The following RARB variants were observed in gnomAD, a reference collection of about 807,000 sequenced individuals.
RARB encodes the protein HBV-activated protein.
Under a neutral mutation model 51.9 loss-of-function variants are expected in RARB, and 17 were observed. That is an observed-to-expected ratio of 0.33 (90% CI 0.22 to 0.49). The LOEUF is 0.49. Ranked by LOEUF, RARB falls within the 20% of genes least tolerant of loss-of-function variation. RARB has a pLI of 0.99. For synonymous variants in RARB, 215 were observed against 195.4 expected (o/e 1.10, Z -0.84); for missense variants, 369 against 550.8 (o/e 0.67, Z 3.30).
At chr3:25,323,321 T>A (rs1704624698) in intron 5 of RARB, among the ~76,000 whole-genome samples, 1 of 152,060 alleles carries the variant, frequency 6.6e-6, no homozygotes, top group East Asian at 1.9e-4. Context: ...CAAAAGGACA[T>A]GTGGGATAAG....
At chr3:25,515,270 A>G (rs1698101828) in intron 3 of RARB, among the ~76,000 whole-genome samples, 2 of 152,238 alleles carry the variant, frequency 1.3e-5, no homozygotes, top group South Asian at 4.1e-4. Flanking sequence ...AAAAGGACTG[A>G]CAATAGCAAA....
intron 2 of RARB, among the ~76,000 whole-genome samples, chr3:25,050,059 G>A (rs1314586378): frequency 6.6e-6 from 1 of 152,176 alleles, no homozygotes; most frequent in Non-Finnish European, 1.5e-5. Context: ...TTTAAAGGCT[G>A]AGTTTTCTAG....
intron 3 of RARB, among the ~76,000 whole-genome samples, chr3:25,088,468 G>T (rs763863338): frequency 3.3e-5 from 5 of 152,062 alleles, no homozygotes; most frequent in Non-Finnish European, 7.4e-5. Flanking sequence ...TGGGGTAGGG[G>T]GACTATAGCC....
chr3:24,959,210 C>CA (rs374005948), intron 2 of RARB, among the ~76,000 whole-genome samples: 114 of 152,294 alleles, frequency 7.5e-4, no homozygotes, highest in African/African-American at 2.7e-3. Context: ...GTCAGTGTGA[C>CA]AGCCTTTAGC....
At position 25,141,721 on chromosome 3, in the gene RARB, G is replaced by C. The variant is rs76665791; in HGVS notation, c.-280+9513G>C. Among the ~76,000 whole-genome samples the C allele has an allele frequency of 6.7e-3, 1,015 of 152,294 alleles. 8 individuals carry two copies. Among genetic ancestry groups the C allele is most frequent in the African/African-American group, 0.022 (925 of 41,560 alleles). ...CTTTAAAAATCATATTTTCTTAAAA[G>C]GAGTGCTTTCTACTTTTAGGAATCC... is the stretch of plus-strand genomic sequence containing the variant. On this transcript the variant is annotated intron_variant, in intron 4 of 11. Transcript: ENST00000383772.
chr3:24,851,427 CAA>C (rs1286953428), intron 1 of RARB, among the ~76,000 whole-genome samples: 51 of 72,342 alleles, frequency 7.0e-4, no homozygotes, highest in Admixed American at 7.3e-4. Context: ...GACTTTGTCT[CAA>C]AAAAAAAAAA....
intron 2 of RARB, among the ~76,000 whole-genome samples, chr3:24,968,864 A>G (rs1224425161): frequency 3.3e-5 from 5 of 152,162 alleles, no homozygotes; most frequent in Non-Finnish European, 5.9e-5. Flanking sequence ...TATGTAAATG[A>G]GAGGTCATTA....
At chr3:25,092,058 A>G (rs998651602) in intron 3 of RARB, among the ~76,000 whole-genome samples, 1 of 152,148 alleles carries the variant, frequency 6.6e-6, no homozygotes, top group African/African-American at 2.4e-5. Flanking sequence ...GCTCTGCCTC[A>G]CTATAGCTTA....
At chr3:25,512,309 G>T (rs1348945883) in intron 3 of RARB, among the ~76,000 whole-genome samples, 1 of 152,152 alleles carries the variant, frequency 6.6e-6, no homozygotes, top group Non-Finnish European at 1.5e-5. Flanking sequence ...CTCAAAACAA[G>T]AAGTACATGT....
chr3:25,144,136 C>T (rs1471404739), intron 4 of RARB, among the ~76,000 whole-genome samples: 1 of 152,132 alleles, frequency 6.6e-6, no homozygotes, highest in Non-Finnish European at 1.5e-5. Context: ...TGAGCAACTA[C>T]TTATATAAGG....
At chr3:25,185,258 A>T (rs186349404) in intron 5 of RARB, among the ~76,000 whole-genome samples, 4 of 152,284 alleles carry the variant, frequency 2.6e-5, no homozygotes, top group African/African-American at 7.2e-5. Flanking sequence ...TGTATTTATC[A>T]TGAAGAGTTC....
At chr3:25,186,880 T>C (rs1306242077) in intron 5 of RARB, among the ~76,000 whole-genome samples, 2 of 143,596 alleles carry the variant, frequency 1.4e-5, no homozygotes, top group African/African-American at 5.2e-5. Context: ...AAGAAAAAGG[T>C]AAGCCTGTGT....
At chr3:25,268,681 G>C (rs899439604) in intron 5 of RARB, among the ~76,000 whole-genome samples, 3 of 152,288 alleles carry the variant, frequency 2.0e-5, no homozygotes, top group African/African-American at 4.8e-5. Context: ...CTTAGTCTGA[G>C]ATCCACTTTT....
chr3:25,168,566 G>A (rs558586470), intron 4 of RARB, among the ~76,000 whole-genome samples: 11 of 151,958 alleles, frequency 7.2e-5, no homozygotes, highest in East Asian at 5.8e-4. Flanking sequence ...CAGAAAATAC[G>A]TGGCAGTCAT....
intron 5 of RARB, among the ~76,000 whole-genome samples, chr3:25,218,999 G>A (rs547668569): frequency 2.6e-5 from 4 of 152,208 alleles, no homozygotes; most frequent in Admixed American, 2.0e-4. Context: ...GCTGATACAG[G>A]CACTTGAAGC....
chr3:25,471,292 T>G (rs1695677278), intron 2 of RARB, among the ~76,000 whole-genome samples: 1 of 152,172 alleles, frequency 6.6e-6, no homozygotes, highest in Non-Finnish European at 1.5e-5. Flanking sequence ...TAAGAACTAG[T>G]GCCTGGAATG....
chr3:25,586,162 G>C (rs58992195), intron 5 of RARB, among the ~76,000 whole-genome samples: 27,270 of 151,864 alleles, frequency 0.18, 4,063 homozygotes, highest in African/African-American at 0.41. Context: ...ATCCCATTCC[G>C]TCTGTCTAGG....
intron 5 of RARB, among the ~76,000 whole-genome samples, chr3:25,209,088 A>C (rs908724274): frequency 6.6e-6 from 1 of 152,240 alleles, no homozygotes; most frequent in Admixed American, 6.5e-5. Flanking sequence ...CACTGTCAGC[A>C]TAACAAGTGG....
At chr3:25,470,573 GA>G (rs141778226) in intron 2 of RARB, among the ~76,000 whole-genome samples, 1 of 152,268 alleles carries the variant, frequency 6.6e-6, no homozygotes, top group Non-Finnish European at 1.5e-5. Flanking sequence ...AGAGGACTCA[GA>G]ATAAAATTGC....
Sources: allele counts gnomAD v4.1 joint callset (sites outside exome capture counted in the v4.1 genomes callset), GRCh38; gene constraint gnomAD v4.1.1; transcripts MANE v1.5; gene names NCBI Gene and HGNC (gene_info 2026-07-23, HGNC 2026-07-21).